ACADSB: variants seen among roughly 807,000 people sequenced by gnomAD.
ACADSB encodes the protein short/branched chain specific acyl-CoA dehydrogenase, mitochondrial.
In ACADSB, 40 loss-of-function variants were observed where a neutral mutation model predicts 54.1. The observed-to-expected ratio is 0.74, with a 90% CI of 0.57 to 0.96. The LOEUF is 0.96. Ranked by LOEUF, ACADSB falls within the 40% of genes least tolerant of loss-of-function variation. ACADSB has a pLI of 0.00. For synonymous variants in ACADSB, 182 were observed against 182.8 expected (o/e 1.00, Z 0.03); for missense variants, 530 against 510.4 (o/e 1.04, Z -0.37).
chr10:123,024,055 C>T (rs1213338801), intron 1 of ACADSB, among the ~76,000 whole-genome samples: 1 of 152,228 alleles, frequency 6.6e-6, no homozygotes, highest in Non-Finnish European at 1.5e-5. Context: ...GAGGCAATGG[C>T]CTACTATGAG....
intron 1 of ACADSB, among the ~76,000 whole-genome samples, chr10:123,013,442 C>T (rs1236166258): frequency 6.6e-6 from 1 of 152,258 alleles, no homozygotes; most frequent in Non-Finnish European, 1.5e-5. Flanking sequence ...TGGCCTCACC[C>T]AGTGGATCTT....
chr10:123,016,973 C>T (rs1218411115), intron 1 of ACADSB, among the ~76,000 whole-genome samples: 1 of 152,042 alleles, frequency 6.6e-6, no homozygotes, highest in East Asian at 1.9e-4. Flanking sequence ...GTTCATGCTC[C>T]CTTCACTCAA....
intron 7 of ACADSB, 57 bp from the exon 8 acceptor site, chr10:123,047,152 G>T: frequency 7.3e-7 from 1 of 1,374,322 alleles, no homozygotes; most frequent in African/African-American, 1.4e-5. Flanking sequence ...TCACAACTTG[G>T]ATAATTAAAC....
chr10:123,031,350 A>G (rs1850324025), intron 1 of ACADSB, among the ~76,000 whole-genome samples: 3 of 152,254 alleles, frequency 2.0e-5, no homozygotes, highest in Admixed American at 1.3e-4. Flanking sequence ...TGGTCAGTTG[A>G]GTAAGAAACA....
rs376193734 is a variant in ACADSB at position 123,056,952 on chromosome 10, G to A, written c.*3187G>A. On this transcript the variant is annotated 3_prime_UTR_variant, in exon 11 of 11. Transcript: ENST00000358776. ...TAGACCTTGAATCCGAAGAGATAAA[G>A]CTTACTTGACTTTCAAATGGAGAGA... The A allele has an allele frequency of 1.3e-5, 2 of 152,630 alleles. No homozygotes were observed. The highest frequency in any genetic ancestry group is 2.9e-5 in the Non-Finnish European group (2 of 68,028). 9.5% of individuals were successfully genotyped at this position (152,630 alleles called of 1,614,324 possible).
intron 7 of ACADSB, among the ~76,000 whole-genome samples, chr10:123,045,150 TATATATATATATA>T (rs1850537512): frequency 1.7e-4 from 2 of 12,038 alleles, no homozygotes; most frequent in African/African-American, 4.6e-4. Context: ...TATATATATA[TATATATATATATA>T]TATATATATT....
rs1486383344 is a variant in ACADSB, at chr10:123,056,448, C to G, written c.*2683C>G. On this transcript the variant is annotated 3_prime_UTR_variant, in exon 11 of 11. Transcript: ENST00000358776. ...GCCCCCCTGATTCGATGACCTCCCC[C>G]TGGGTCCCTCCCACAACATGTGGGA... 6.4e-6 allele frequency: 1 copy of G among 157,400 alleles called. No homozygotes were observed. The highest frequency in any genetic ancestry group is 1.9e-4 in the East Asian group (1 of 5,386). 9.8% of individuals were successfully genotyped at this position (157,400 alleles called of 1,614,324 possible).
At chr10:123,023,789 CAG>C (rs1390081919) in intron 1 of ACADSB, among the ~76,000 whole-genome samples, 3 of 152,222 alleles carry the variant, frequency 2.0e-5, no homozygotes, top group Non-Finnish European at 4.4e-5. Context: ...CTTTCCCATT[CAG>C]CAGCAAACTC....
chr10:123,025,077 C>G (rs550440757), intron 1 of ACADSB, among the ~76,000 whole-genome samples: 1 of 152,170 alleles, frequency 6.6e-6, no homozygotes, highest in South Asian at 2.1e-4. Flanking sequence ...GCCTGGGCGA[C>G]AGAGTGAGAC....
At chr10:123,048,453 G>A (rs1589744817) in intron 8 of ACADSB, among the ~76,000 whole-genome samples, 1 of 151,926 alleles carries the variant, frequency 6.6e-6, no homozygotes, top group African/African-American at 2.4e-5. Context: ...TTGGCTTCTA[G>A]TCGAATTTTC....
intron 1 of ACADSB, among the ~76,000 whole-genome samples, chr10:123,010,220 A>G (rs745801831): frequency 1.2e-4 from 18 of 152,248 alleles, no homozygotes; most frequent in Non-Finnish European, 2.5e-4. Flanking sequence ...TACCTGAGTC[A>G]TCTCAATTCT....
At chr10:123,010,297 TAGAA>T (rs1490156059) in intron 1 of ACADSB, among the ~76,000 whole-genome samples, 2 of 152,354 alleles carry the variant, frequency 1.3e-5, no homozygotes, top group South Asian at 2.1e-4. Context: ...TGCCCACAGA[TAGAA>T]AGGGATAGAG....
chr10:123,020,874 G>A (rs1041194603), intron 1 of ACADSB, among the ~76,000 whole-genome samples: 7 of 152,138 alleles, frequency 4.6e-5, no homozygotes, highest in Non-Finnish European at 7.4e-5. Context: ...GTGATGGCAC[G>A]CGGCTGTAAT....
At chr10:123,032,724 G>A (rs1034731035) in intron 1 of ACADSB, among the ~76,000 whole-genome samples, 3 of 151,774 alleles carry the variant, frequency 2.0e-5, no homozygotes, top group African/African-American at 7.3e-5. Context: ...CGAGTAGCTG[G>A]GATTACAGGC....
chr10:123,022,214 A>G (rs1040249599), intron 1 of ACADSB, among the ~76,000 whole-genome samples: 2 of 152,128 alleles, frequency 1.3e-5, no homozygotes, highest in Non-Finnish European at 2.9e-5. Context: ...ACCAAAGGTA[A>G]CCTCCCAGGT....
chr10:123,032,498 C>G (rs1850339380), intron 1 of ACADSB, among the ~76,000 whole-genome samples: 1 of 151,750 alleles, frequency 6.6e-6, no homozygotes, highest in South Asian at 2.1e-4. Flanking sequence ...AAATATATAT[C>G]AAGAACCCCA....
intron 1 of ACADSB, among the ~76,000 whole-genome samples, chr10:123,019,596 T>C (rs1344899108): frequency 6.6e-6 from 1 of 152,272 alleles, no homozygotes; most frequent in Non-Finnish European, 1.5e-5. Context: ...AACCCTTTTT[T>C]CATGGCCTTG....
intron 7 of ACADSB, among the ~76,000 whole-genome samples, chr10:123,046,425 G>A (rs930475707): frequency 3.9e-5 from 6 of 152,306 alleles, no homozygotes; most frequent in Admixed American, 1.3e-4. Context: ...AGATATGAAA[G>A]TTGGTTAGCA....
chr10:123,037,105 G>C (rs867198694), intron 2 of ACADSB, among the ~76,000 whole-genome samples: 10 of 152,330 alleles, frequency 6.6e-5, no homozygotes, highest in South Asian at 2.1e-4. Context: ...CCACAACTTA[G>C]AAGTAGGGGA....
Sources: gnomAD v4.1 joint callset for allele counts (sites outside exome capture counted in the v4.1 genomes callset) on GRCh38, gnomAD v4.1.1 for gene constraint, MANE v1.5 for transcripts, NCBI Gene and HGNC (gene_info 2026-07-23, HGNC 2026-07-21) for gene names.